Variants in AGMO observed in about 807,000 individuals in gnomAD.
AGMO encodes glyceryl-ether monooxygenase.
AGMO carries 75 observed loss-of-function variants against 60.2 expected under a neutral mutation model. The ratio of observed to expected loss-of-function variants is 1.25; its 90% CI spans 1.03 to 1.51. The LOEUF is 1.51. AGMO is among the 40% of genes most tolerant of loss of function. The pLI is 0.00. For missense variants in AGMO, 763 were observed against 525.5 expected (o/e 1.45, Z -4.42); for synonymous variants, 261 against 177.1 (o/e 1.47, Z -3.76).
intron 3 of AGMO, among the ~76,000 whole-genome samples, chr7:15,442,644 G>C (rs117590930): frequency 0.026 from 4,017 of 152,138 alleles, 73 homozygotes; most frequent in Middle Eastern, 0.044. Flanking sequence ...GGGAAGTGCT[G>C]GGAGGGAAAG....
chr7:15,470,140 T>C (rs1379099534), intron 3 of AGMO, among the ~76,000 whole-genome samples: 1 of 151,944 alleles, frequency 6.6e-6, no homozygotes, highest in Non-Finnish European at 1.5e-5. Flanking sequence ...GGAAGGCAGA[T>C]GGATATTCAA....
At chr7:15,148,738 C>T in the AGMO span, among the ~76,000 whole-genome samples, 1 of 152,208 alleles carries the variant, frequency 6.6e-6, no homozygotes, top group African/African-American at 2.4e-5. Context: ...AGCAGCTAGG[C>T]TGATTCCATG....
chr7:15,248,876 G>A (rs1350686303), intron 12 of AGMO, among the ~76,000 whole-genome samples: 6 of 152,148 alleles, frequency 3.9e-5, no homozygotes, highest in Non-Finnish European at 2.9e-5. Context: ...GCCAATCACT[G>A]CAATGTAAGA....
At chr7:15,427,468 G>T (rs1271896558) in intron 4 of AGMO, among the ~76,000 whole-genome samples, 2 of 152,066 alleles carry the variant, frequency 1.3e-5, no homozygotes, top group African/African-American at 4.8e-5. Context: ...GAATTCACTA[G>T]TTGGGATTTT....
At chr7:15,439,606 C>T (rs1381354090) in intron 3 of AGMO, among the ~76,000 whole-genome samples, 1 of 152,140 alleles carries the variant, frequency 6.6e-6, no homozygotes, top group Admixed American at 6.5e-5. Context: ...TCTTACAGTG[C>T]CCACTTATTT....
At chr7:15,453,484 G>A (rs1431966667) in intron 3 of AGMO, among the ~76,000 whole-genome samples, 1 of 152,180 alleles carries the variant, frequency 6.6e-6, no homozygotes, top group Non-Finnish European at 1.5e-5. Context: ...AAAAAGTGCT[G>A]CCTTAACAAA....
intron 3 of AGMO, among the ~76,000 whole-genome samples, chr7:15,507,613 G>T (rs868340861): frequency 6.6e-6 from 1 of 152,072 alleles, no homozygotes. Context: ...AAATTGCAGC[G>T]TCATAACTTT....
At chr7:15,231,655 A>C (rs535402470) in intron 12 of AGMO, among the ~76,000 whole-genome samples, 1 of 152,298 alleles carries the variant, frequency 6.6e-6, no homozygotes, top group Admixed American at 6.5e-5. Flanking sequence ...ATTCTAGTGG[A>C]GCTAGTCAGA....
At chr7:15,321,256 G>GAT (rs1454279018) in intron 12 of AGMO, among the ~76,000 whole-genome samples, 1 of 152,096 alleles carries the variant, frequency 6.6e-6, no homozygotes, top group Non-Finnish European at 1.5e-5. Flanking sequence ...TACGTATATA[G>GAT]ATAGATTGTT....
chr7:15,438,542 G>A (rs761077136), intron 3 of AGMO, among the ~76,000 whole-genome samples: 3 of 152,088 alleles, frequency 2.0e-5, no homozygotes, highest in Non-Finnish European at 4.4e-5. Flanking sequence ...ATAGGTTTAC[G>A]GAACTGTTTC....
intron 12 of AGMO, among the ~76,000 whole-genome samples, chr7:15,273,935 G>C (rs987790732): frequency 6.6e-6 from 1 of 152,134 alleles, no homozygotes; most frequent in East Asian, 1.9e-4. Context: ...TCTGTTATTT[G>C]TGTATAAGAA....
the AGMO span, among the ~76,000 whole-genome samples, chr7:15,120,268 C>T: frequency 1.3e-5 from 2 of 152,206 alleles, no homozygotes; most frequent in Admixed American, 6.5e-5. Context: ...CCCAAGGTCA[C>T]CAGTGATGTT....
intron 12 of AGMO, among the ~76,000 whole-genome samples, chr7:15,267,755 A>G (rs1783476590): frequency 6.6e-6 from 1 of 151,958 alleles, no homozygotes; most frequent in African/African-American, 2.4e-5. Flanking sequence ...TGATTACACA[A>G]GCTGAAGGGA....
chr7:15,436,562 G>C (rs1781410278), intron 3 of AGMO, among the ~76,000 whole-genome samples: 1 of 152,042 alleles, frequency 6.6e-6, no homozygotes, highest in South Asian at 2.1e-4. Flanking sequence ...AATTCTGTAG[G>C]AGACAAATAG....
chr7:15,495,866 CCT>C (rs5882516), intron 3 of AGMO, among the ~76,000 whole-genome samples: 1 of 138,904 alleles, frequency 7.2e-6, no homozygotes, highest in Non-Finnish European at 1.6e-5. Context: ...CTCTCTCTCT[CCT>C]CTCTCTCTCT....
chr7:15,281,062 A>T (rs188364803), intron 12 of AGMO, among the ~76,000 whole-genome samples: 92 of 151,990 alleles, frequency 6.1e-4, no homozygotes, highest in Non-Finnish European at 1.1e-3. Flanking sequence ...AGGGCCTCCT[A>T]CTCCTAGGGG....
At chr7:15,220,760 CTAA>C (rs1317571769) in intron 12 of AGMO, among the ~76,000 whole-genome samples, 6 of 151,910 alleles carry the variant, frequency 3.9e-5, no homozygotes, top group African/African-American at 1.5e-4. Flanking sequence ...TGGAAATTGG[CTAA>C]TAACAACATA....
chr7:15,194,873 G>C, the AGMO span, among the ~76,000 whole-genome samples: 7 of 152,220 alleles, frequency 4.6e-5, no homozygotes, highest in South Asian at 1.2e-3. Context: ...GCCCCCTTTA[G>C]GCTCCGATTG....
chr7:15,195,561 G>A (rs1781098340), downstream of AGMO, among the ~76,000 whole-genome samples: 1 of 152,178 alleles, frequency 6.6e-6, no homozygotes, highest in Admixed American at 6.5e-5. Context: ...GCTCCTTACC[G>A]TACACGTGGT....
Sources: allele counts gnomAD v4.1 joint callset (sites outside exome capture counted in the v4.1 genomes callset), GRCh38; gene constraint gnomAD v4.1.1; transcripts MANE v1.5; gene names NCBI Gene and HGNC (gene_info 2026-07-23, HGNC 2026-07-21).